Variants in ACER3 observed in about 807,000 individuals in gnomAD.
ACER3 encodes alkaline ceramidase 3, also known as alkCDase 3.
Under a neutral mutation model 48.9 loss-of-function variants are expected in ACER3, and 16 were observed. The ratio of observed to expected loss-of-function variants is 0.33; its 90% CI spans 0.22 to 0.50. The LOEUF is 0.50. ACER3 is among the 20% of genes least tolerant of loss of function. ACER3 has a pLI of 0.98. For synonymous variants in ACER3, 109 were observed against 107.8 expected (o/e 1.01, Z -0.07); for missense variants, 227 against 326.0 (o/e 0.70, Z 2.34).
At chr11:76,938,848 G>A (rs1282035523) in intron 2 of ACER3, among the ~76,000 whole-genome samples, 1 of 151,958 alleles carries the variant, frequency 6.6e-6, no homozygotes, top group African/African-American at 2.4e-5. Context: ...CTAGACTTTG[G>A]TTTTTAAGTC....
chr11:77,001,521 G>T (rs1321380590), intron 7 of ACER3, among the ~76,000 whole-genome samples: 1 of 152,150 alleles, frequency 6.6e-6, no homozygotes, highest in African/African-American at 2.4e-5. Context: ...CTCCCAAAGT[G>T]CTGGGATTAC....
chr11:76,937,231 A>G (rs1947213898), intron 2 of ACER3, among the ~76,000 whole-genome samples: 1 of 152,218 alleles, frequency 6.6e-6, no homozygotes, highest in Non-Finnish European at 1.5e-5. Flanking sequence ...TGACAACACT[A>G]TTTTGGCAAG....
At chr11:76,882,374 T>G (rs1945551740) in intron 1 of ACER3, among the ~76,000 whole-genome samples, 1 of 152,178 alleles carries the variant, frequency 6.6e-6, no homozygotes, top group African/African-American at 2.4e-5. Context: ...TTATGTTGAC[T>G]TAGTTTTTTC....
intron 1 of ACER3, among the ~76,000 whole-genome samples, chr11:76,924,365 T>C (rs944267163): frequency 1.3e-5 from 2 of 152,088 alleles, no homozygotes; most frequent in Non-Finnish European, 2.9e-5. Context: ...TATTTATTTA[T>C]GTATTTATTT....
At chr11:76,879,447 A>C (rs1268602401) in intron 1 of ACER3, among the ~76,000 whole-genome samples, 1 of 152,098 alleles carries the variant, frequency 6.6e-6, no homozygotes, top group Non-Finnish European at 1.5e-5. Context: ...GTGCTATTGC[A>C]CTGGCTAGGA....
rs1468996923 is a variant in ACER3 at position 77,022,074 on chromosome 11, G to A, written c.*1747G>A. 1 of 152,122 alleles carries A rather than the reference G, an allele frequency of 6.6e-6. No individual in the cohort carries two copies. The highest frequency in any genetic ancestry group is 1.5e-5 in the Non-Finnish European group (1 of 68,042). The allele number at this position is 152,122 out of a possible 1,614,324, so 9.4% of individuals were successfully genotyped here. On this transcript the variant is annotated 3_prime_UTR_variant, in exon 11 of 11. Transcript: ENST00000532485. ...CTACATTTCACCTGCAGTTACCTGG[G>A]CTATCGGCCGTGATACATTTTTTAA... is the stretch of plus-strand genomic sequence containing the variant.
rs897584608 is a variant in ACER3, at chr11:76,914,737, A to G, written c.104-11820A>G. Among the ~76,000 whole-genome samples, 48 of 152,238 alleles carry G rather than the reference A, an allele frequency of 3.2e-4. 1 individual carries two copies. The highest frequency in any genetic ancestry group is 3.1e-3 in the Admixed American group (48 of 15,282). On this transcript the variant is annotated intron_variant, in intron 1 of 10. Transcript: ENST00000532485. ...TTATAAATCATGCTGCTATAAAGACACATGCATACGTATGTTTGTTGTGGC... is the reference window on the plus strand; with the variant it reads ...TTATAAATCATGCTGCTATAAAGACGCATGCATACGTATGTTTGTTGTGGC...
chr11:76,869,287 G>A (rs185828947), intron 1 of ACER3, among the ~76,000 whole-genome samples: 1 of 152,272 alleles, frequency 6.6e-6, no homozygotes, highest in East Asian at 1.9e-4. Flanking sequence ...GATGATTGTT[G>A]GGTTGTGAGA....
intron 7 of ACER3, among the ~76,000 whole-genome samples, chr11:77,007,436 G>C (rs1038620176): frequency 1.3e-5 from 2 of 152,152 alleles, no homozygotes; most frequent in Admixed American, 1.3e-4. Flanking sequence ...GGCAAGCCAG[G>C]GGGAGAAGAG....
intron 7 of ACER3, among the ~76,000 whole-genome samples, chr11:77,000,755 T>C (rs1424825752): frequency 1.3e-5 from 2 of 152,246 alleles, no homozygotes; most frequent in Non-Finnish European, 2.9e-5. Context: ...ATCTCAGTTA[T>C]GTTCCATTGA....
At chr11:76,900,116 G>A (rs1946042075) in intron 1 of ACER3, among the ~76,000 whole-genome samples, 1 of 152,170 alleles carries the variant, frequency 6.6e-6, no homozygotes, top group Non-Finnish European at 1.5e-5. Flanking sequence ...ATTGCTTGAG[G>A]CCAAGAGTTC....
chr11:76,865,482 C>T (rs1406444990), intron 1 of ACER3, among the ~76,000 whole-genome samples: 1 of 151,380 alleles, frequency 6.6e-6, no homozygotes, highest in Non-Finnish European at 1.5e-5. Context: ...ATAAGTTTGC[C>T]TTCTCTTTCT....
rs1431778872 is a variant in ACER3, at chr11:77,024,302, G to C, written c.*3975G>C. On this transcript the variant is annotated 3_prime_UTR_variant, in exon 11 of 11. Transcript: ENST00000532485. ...AAAAAAAAAAAAAAAAAAAAAAAAA[G>C]AATTAGGAAATACTTGTTAAAATAT... The C allele has an allele frequency of 1.5e-5, 1 of 67,462 alleles. No individual in the cohort carries two copies. The highest frequency in any genetic ancestry group is 4.1e-5 in the African/African-American group (1 of 24,140). 4.2% of individuals were successfully genotyped at this position (67,462 alleles called of 1,614,324 possible).
chr11:76,942,726 T>C (rs913748352), intron 2 of ACER3, among the ~76,000 whole-genome samples: 2 of 152,008 alleles, frequency 1.3e-5, no homozygotes, highest in African/African-American at 4.8e-5. Context: ...TCCCTCCTCT[T>C]TGATTTTTTG....
chr11:76,886,249 T>C (rs1015424763), intron 1 of ACER3, among the ~76,000 whole-genome samples: 1 of 152,138 alleles, frequency 6.6e-6, no homozygotes, highest in Non-Finnish European at 1.5e-5. Context: ...TAGACTTGGT[T>C]TGGTCTAGGA....
At chr11:76,883,065 T>A (rs982026912) in intron 1 of ACER3, among the ~76,000 whole-genome samples, 3 of 152,232 alleles carry the variant, frequency 2.0e-5, no homozygotes, top group African/African-American at 7.2e-5. Context: ...TCTTATGTAC[T>A]GTGTCAGCTG....
intron 6 of ACER3, among the ~76,000 whole-genome samples, chr11:76,992,703 A>G (rs994421495): frequency 3.3e-5 from 5 of 152,162 alleles, no homozygotes; most frequent in African/African-American, 1.2e-4. Context: ...CTCTGTACCA[A>G]ATTCTGAGCT....
intron 1 of ACER3, among the ~76,000 whole-genome samples, chr11:76,877,216 T>C (rs78288105): frequency 0.036 from 5,420 of 152,228 alleles, 151 homozygotes; most frequent in Non-Finnish European, 0.051. Context: ...AATTCAGTTT[T>C]GAAGCTGGAA....
chr11:76,882,613 G>C (rs1292806948), intron 1 of ACER3, among the ~76,000 whole-genome samples: 1 of 152,158 alleles, frequency 6.6e-6, no homozygotes, highest in South Asian at 2.1e-4. Context: ...AGATGATCTT[G>C]GGATCAGTCT....
Sources: gnomAD v4.1 joint callset for allele counts (sites outside exome capture counted in the v4.1 genomes callset) on GRCh38, gnomAD v4.1.1 for gene constraint, MANE v1.5 for transcripts, NCBI Gene and HGNC (gene_info 2026-07-23, HGNC 2026-07-21) for gene names.